TAS1R1: variants seen among roughly 807,000 people sequenced by gnomAD.
TAS1R1 encodes the protein taste 1 receptor member 1.
Under a neutral mutation model 45.8 loss-of-function variants are expected in TAS1R1, and 31 were observed. That is an observed-to-expected ratio of 0.68 (90% CI 0.51 to 0.91). The LOEUF (loss-of-function observed/expected upper bound fraction) is 0.91. Ranked by LOEUF, TAS1R1 falls within the 40% of genes least tolerant of loss-of-function variation. The probability of loss-of-function intolerance (pLI) is 0.00; values close to 1 mark genes in which losing one functional copy is unlikely to be tolerated. For missense variants in TAS1R1, 1,051 were observed against 1,063.9 expected (o/e 0.99, Z 0.17); for synonymous variants, 437 against 448.4 (o/e 0.97, Z 0.32).
In TAS1R1 at chr1:6,555,493, G is replaced by A; in HGVS notation, c.120G>A (p.Leu40=). ...TCACCCTCCCCGGAGATTACCTCCT[G>A]GCAGGCCTGTTCCCTCTCCATTCTG... ...PDFTLPGDYL[L]AGLFPLHSGC... The change falls in exon 1 of 6, where the codon CTG becomes CTA. Residue 40 remains leucine, a synonymous_variant. Coordinates refer to ENST00000333172, the MANE Select transcript of TAS1R1 (RefSeq NM_138697.4). 2 of 1,573,916 alleles carry A rather than the reference G, an allele frequency of 1.3e-6. No individual in the cohort carries two copies. The highest frequency in any genetic ancestry group is 8.6e-7 in the Non-Finnish European group (1 of 1,159,294).
intron 1 of TAS1R1, among the ~76,000 whole-genome samples, chr1:6,563,085 T>C (rs1290015664): frequency 6.6e-6 from 1 of 152,186 alleles, no homozygotes; most frequent in African/African-American, 2.4e-5. Context: ...AAGAGGCCCA[T>C]GGGTGAATGG....
intron 1 of TAS1R1, among the ~76,000 whole-genome samples, chr1:6,560,715 G>C (rs1278817033): frequency 1.3e-5 from 2 of 152,168 alleles, no homozygotes; most frequent in Non-Finnish European, 2.9e-5. Context: ...GGGCGTGGTG[G>C]CTCACGCCTG....
At chr1:6,575,943 C>T (rs1640160884) in intron 3 of TAS1R1, among the ~76,000 whole-genome samples, 1 of 152,134 alleles carries the variant, frequency 6.6e-6, no homozygotes, top group Non-Finnish European at 1.5e-5. Context: ...ATCCGCCCAC[C>T]TCGTCCTCCC....
intron 1 of TAS1R1, among the ~76,000 whole-genome samples, chr1:6,563,227 G>C (rs1310802548): frequency 1.3e-5 from 2 of 152,158 alleles, no homozygotes; most frequent in East Asian, 3.8e-4. Context: ...AAATTTTGGT[G>C]GTCATTTGGG....
intron 2 of TAS1R1, among the ~76,000 whole-genome samples, chr1:6,573,617 T>C (rs1640077459): frequency 6.6e-6 from 1 of 152,132 alleles, no homozygotes; most frequent in Non-Finnish European, 1.5e-5. Context: ...GGGGTTGGTT[T>C]CAGGATGATT....
In TAS1R1 at chr1:6,575,219, C is replaced by T. The variant is rs1485739051; in HGVS notation, c.1087C>T (p.Leu363Phe). The change falls in exon 3 of 6, where the codon CTC becomes TTC. Residue 363 changes from leucine (L) to phenylalanine (F), a missense_variant. By Grantham distance (22) the Leu-to-Phe change is conservative. Transcript: ENST00000333172. Reference protein sequence around the residue: ...HKGSWCSSNQLCRECQAFMAH... With the variant: ...HKGSWCSSNQFCRECQAFMAH... ...GGGCTCCTGGTGCAGCAGCAATCAG[C>T]TCTGCAGAGAATGCCAAGCTTTCAT... 2 of 1,613,244 alleles carry T rather than the reference C, an allele frequency of 1.2e-6. No individual in the cohort carries two copies. Among genetic ancestry groups the T allele is most frequent in the Admixed American group, 1.7e-5 (1 of 59,980 alleles).
At chr1:6,555,861 C>CTCT in intron 1 of TAS1R1, among the ~76,000 whole-genome samples, 1 of 83,948 alleles carries the variant, frequency 1.2e-5, no homozygotes, top group African/African-American at 4.1e-5. Context: ...AGCTTTTTCC[C>CTCT]TCTTCTTTTT....
Position 6,579,118 on chromosome 1 carries a change from C to T in TAS1R1, c.2060C>T (p.Ser687Leu). 2 of 1,614,218 alleles carry T rather than the reference C, an allele frequency of 1.2e-6. No homozygotes were observed. The highest frequency in any genetic ancestry group is 1.7e-5 in the Admixed American group (1 of 60,032). Residue 687 changes from serine to leucine, a missense_variant, in exon 6 of 6, where the codon TCA (serine) becomes TTA (leucine). Ser to Leu is a moderately radical substitution (Grantham distance 145). Coordinates refer to ENST00000333172, the MANE Select transcript of TAS1R1 (RefSeq NM_138697.4). The part of the protein sequence containing the change: ...HGAGLFVMIS[S>L]AAQLLICLTW... ...GCTGGCCTGTTTGTGATGATCAGCT[C>T]AGCGGCCCAGCTGCTTATCTGTCTA...
At chr1:6,555,787 T>C (rs1639667305) in intron 1 of TAS1R1, among the ~76,000 whole-genome samples, 1 of 152,096 alleles carries the variant, frequency 6.6e-6, no homozygotes, top group Non-Finnish European at 1.5e-5. Context: ...TGTTGTATTG[T>C]AACTTCATTG....
At chr1:6,562,259 C>T (rs144272222) in intron 1 of TAS1R1, among the ~76,000 whole-genome samples, 2,562 of 152,228 alleles carry the variant, frequency 0.017, 74 homozygotes, top group African/African-American at 0.059. Flanking sequence ...AGCTCTGCCT[C>T]CCAGGTTCAC....
At chr1:6,573,407 A>G (rs1640071079) in intron 2 of TAS1R1, among the ~76,000 whole-genome samples, 1 of 152,068 alleles carries the variant, frequency 6.6e-6, no homozygotes, top group South Asian at 2.1e-4. Flanking sequence ...CAGTGAGCCA[A>G]GATCACGCCA....
rs759792866 is a variant in TAS1R1 at position 6,555,589 on chromosome 1, C to G, written c.191+25C>G. 14 of 1,533,512 alleles carry G rather than the reference C, an allele frequency of 9.1e-6. 3 individuals are homozygous for G. The South Asian group carries it at 1.7e-4, about 18-fold the overall frequency. The allele number at this position is 1,533,512 out of a possible 1,614,324, so 95.0% of individuals were successfully genotyped here. A position where few individuals can be genotyped will look rare whatever the true frequency, so the allele number is the denominator to read the frequency against. ...GGTGAGTGAGGGGCCAGCAGAGCCA[C>G]ACTTAGTGGGACCCCTGGCTATAGG... On this transcript the variant is annotated intron_variant, in intron 1 of 5. Transcript: ENST00000333172.
rs566906835 is a variant in TAS1R1 at position 6,555,400 on chromosome 1, C to T, written c.27C>T (p.Val9=). Residue 9 remains valine (V), a synonymous_variant, in exon 1 of 6, where the codon GTC becomes GTT. Coordinates refer to ENST00000333172, the MANE Select transcript of TAS1R1 (RefSeq NM_138697.4). ...TGCTGCTCTGCACGGCTCGCCTGGT[C>T]GGCCTGCAGCTTCTCATTTCCTGCT... is the stretch of plus-strand genomic sequence containing the variant. MLLCTARL[V]GLQLLISCCW... is the part of the protein sequence containing the mutation. The T allele has an allele frequency of 5.6e-6, 9 of 1,602,620 alleles. No homozygotes were observed. In the South Asian group the frequency reaches 7.8e-5, roughly 14 times the overall value.
chr1:6,566,805 C>G (rs1206450333), intron 1 of TAS1R1, among the ~76,000 whole-genome samples: 1 of 152,176 alleles, frequency 6.6e-6, no homozygotes, highest in Non-Finnish European at 1.5e-5. Context: ...CCGTGTTAGC[C>G]AGGATGGTCT....
intron 1 of TAS1R1, among the ~76,000 whole-genome samples, chr1:6,569,372 G>A (rs951676984): frequency 2.0e-5 from 3 of 152,108 alleles, no homozygotes; most frequent in East Asian, 1.9e-4. Context: ...AAGGAATCTC[G>A]GACCACTTCC....
chr1:6,557,478 G>A lies in TAS1R1; in HGVS notation c.191+1914G>A, dbSNP rs191599485. Among the ~76,000 whole-genome samples, 410 of 152,308 alleles carry A rather than the reference G, an allele frequency of 2.7e-3. 1 individual carries two copies. The highest frequency in any genetic ancestry group is 5.5e-3 in the African/African-American group (230 of 41,560). On this transcript the variant is annotated intron_variant, in intron 1 of 5. Coordinates refer to ENST00000333172, the MANE Select transcript of TAS1R1 (RefSeq NM_138697.4). ...AGGTCTTGCTCTTTCCCCCAGGCTGGAGTGTAGTGGTGCAATCATAGCTCA... is the reference window on the plus strand; with the variant it reads ...AGGTCTTGCTCTTTCCCCCAGGCTGAAGTGTAGTGGTGCAATCATAGCTCA...
In TAS1R1 at chr1:6,571,240, C is replaced by T. The variant is rs747126192; in HGVS notation, c.498+25C>T. 7.2e-6 allele frequency: 11 copies of T among 1,534,740 alleles called. No individual in the cohort carries two copies. In the East Asian group the frequency reaches 2.0e-4, roughly 28 times the overall value. ...GGTAAGCTGGAGCCTCAGACCTTTGCCCATCTCCCTTCAGGCAAGTCTGGG... is the reference window on the plus strand; with the variant it reads ...GGTAAGCTGGAGCCTCAGACCTTTGTCCATCTCCCTTCAGGCAAGTCTGGG... On this transcript the variant is annotated intron_variant, in intron 2 of 5. Transcript: ENST00000333172.
rs539686616 is a variant in TAS1R1, at chr1:6,563,366, G to A, written c.192-7543G>A. ...GACCGGTGCCGGCGGCCACAGGGCC[G>A]TGAATGGGCTTGTCATTACTTGTAT... On this transcript the variant is annotated intron_variant, in intron 1 of 5. Transcript: ENST00000333172. Among the ~76,000 whole-genome samples, 17 of 152,344 alleles carry A rather than the reference G, an allele frequency of 1.1e-4. No individual in the cohort carries two copies. In the South Asian group the frequency reaches 1.9e-3, roughly 17 times the overall value.
chr1:6,560,809 C>T (rs985347179), intron 1 of TAS1R1, among the ~76,000 whole-genome samples: 14 of 151,908 alleles, frequency 9.2e-5, no homozygotes, highest in Non-Finnish European at 1.6e-4. Context: ...GGTGAAACCC[C>T]GTCTCTACAA....
Sources: gnomAD v4.1 joint callset for allele counts (sites outside exome capture counted in the v4.1 genomes callset) on GRCh38, gnomAD v4.1.1 for gene constraint, MANE v1.5 for transcripts, NCBI Gene and HGNC (gene_info 2026-07-23, HGNC 2026-07-21) for gene names.